FYB2: variants seen among roughly 807,000 people sequenced by gnomAD.
FYB2 encodes FYN binding protein 2, also known as FYN-binding protein 2.
A neutral mutation model predicts 94.1 loss-of-function variants in FYB2; 103 were observed. That is an observed-to-expected ratio of 1.09 (90% CI 0.93 to 1.29). FYB2 has a LOEUF of 1.29. Ranked by LOEUF, FYB2 falls within the 50% of genes most tolerant of loss-of-function variation. FYB2 has a pLI of 0.00. For missense variants in FYB2, 896 were observed against 841.5 expected (o/e 1.06, Z -0.80); for synonymous variants, 293 against 287.9 (o/e 1.02, Z -0.18).
intron 4 of FYB2, among the ~76,000 whole-genome samples, chr1:56,784,154 A>G (rs1646077191): frequency 6.6e-6 from 1 of 152,204 alleles, no homozygotes; most frequent in Non-Finnish European, 1.5e-5. Flanking sequence ...CCTGTTTTAT[A>G]CATTATGGTT....
At position 56,746,251 on chromosome 1, in the gene FYB2, T is replaced by C. The variant is rs141299501; in HGVS notation, c.1388-1985A>G. Among the ~76,000 whole-genome samples the C allele has an allele frequency of 5.5e-3, 842 of 152,138 alleles. 9 individuals are homozygous for C. Among genetic ancestry groups the C allele is most frequent in the African/African-American group, 0.019 (801 of 41,546 alleles). On this transcript the variant is annotated intron_variant, in intron 9 of 19. Transcript: ENST00000343433. The stretch of plus-strand genomic sequence containing the variant: ...GGCACATAAAAAGTACTTAATATAT[T>C]TGAATTTCGAATGATTTGAATGCAT...
At chr1:56,730,687 C>A (rs1025018098) in intron 15 of FYB2, among the ~76,000 whole-genome samples, 1 of 152,042 alleles carries the variant, frequency 6.6e-6, no homozygotes, top group Non-Finnish European at 1.5e-5. Flanking sequence ...GATGGCTTCC[C>A]TGCTGAATTC....
At chr1:56,749,781 A>T (rs1645152495) in intron 9 of FYB2, among the ~76,000 whole-genome samples, 1 of 152,000 alleles carries the variant, frequency 6.6e-6, no homozygotes, top group South Asian at 2.1e-4. Context: ...CTGGGATGAA[A>T]CTAAATAGGG....
chr1:56,742,064 G>A, intron 12 of FYB2, 97 bp downstream of exon 12: 1 of 1,006,006 alleles, frequency 9.9e-7, no homozygotes, highest in Non-Finnish European at 1.5e-6. Flanking sequence ...GTGGCAGTGG[G>A]GCTGGGGGGC....
chr1:56,746,939 T>C (rs1557603694), intron 9 of FYB2, among the ~76,000 whole-genome samples: 1 of 152,040 alleles, frequency 6.6e-6, no homozygotes, highest in Non-Finnish European at 1.5e-5. Context: ...TTGCTCCATA[T>C]CTTTACTAAC....
chr1:56,751,249 TA>T, intron 8 of FYB2, 46 bp from the exon 9 acceptor site: 1 of 1,564,874 alleles, frequency 6.4e-7, no homozygotes, highest in Non-Finnish European at 8.7e-7. Context: ...GTGACTTACC[TA>T]ATCAGTTCTT....
chr1:56,770,245 A>G (rs1224770260), intron 4 of FYB2, among the ~76,000 whole-genome samples: 1 of 152,152 alleles, frequency 6.6e-6, no homozygotes, highest in Non-Finnish European at 1.5e-5. Flanking sequence ...ACAAAAACTA[A>G]TAGGCCAATA....
chr1:56,763,356 A>T (rs1645545181), intron 5 of FYB2, among the ~76,000 whole-genome samples: 1 of 152,322 alleles, frequency 6.6e-6, no homozygotes, highest in East Asian at 1.9e-4. Context: ...AATGCCTGAT[A>T]GAATTTTTCA....
chr1:56,768,009 C>T (rs140275067), intron 4 of FYB2, 71 bp from the exon 5 acceptor site: 2 of 1,224,372 alleles, frequency 1.6e-6, no homozygotes, highest in African/African-American at 3.1e-5. Context: ...TGTATTTTTT[C>T]CTCATTAGAG....
intron 14 of FYB2, 45 bp downstream of exon 14, chr1:56,738,580 C>G: frequency 3.2e-6 from 5 of 1,559,906 alleles, no homozygotes; most frequent in Non-Finnish European, 4.4e-6. Flanking sequence ...TCTGAATATA[C>G]AAAAGCTGAG....
At chr1:56,739,991 G>A (rs571235537) in intron 13 of FYB2, among the ~76,000 whole-genome samples, 9 of 152,164 alleles carry the variant, frequency 5.9e-5, no homozygotes, top group Middle Eastern at 3.4e-3. Flanking sequence ...TGCCTGCAAA[G>A]CGTCTCCAGG....
At chr1:56,763,730 G>A (rs1340231620) in intron 5 of FYB2, among the ~76,000 whole-genome samples, 1 of 151,048 alleles carries the variant, frequency 6.6e-6, no homozygotes, top group African/African-American at 2.4e-5. Context: ...CAATTTTATT[G>A]ATTTTTTTTC....
intron 14 of FYB2, 46 bp downstream of exon 14, chr1:56,738,579 A>G (rs1364642277): frequency 3.9e-6 from 6 of 1,558,278 alleles, no homozygotes; most frequent in Non-Finnish European, 5.3e-6. Context: ...CTCTGAATAT[A>G]CAAAAGCTGA....
At chr1:56,742,131 C>A (rs1208677971) in intron 12 of FYB2, 30 bp downstream of exon 12, 1 of 1,578,292 alleles carries the variant, frequency 6.3e-7, no homozygotes, top group East Asian at 2.3e-5. Context: ...AAGTCATTAG[C>A]CTACAAAGCC....
At chr1:56,740,911 C>A in intron 12 of FYB2, 116 bp from the exon 13 acceptor site, 3 of 608,428 alleles carry the variant, frequency 4.9e-6, no homozygotes, top group East Asian at 3.2e-5. Flanking sequence ...GGGAGCTAAA[C>A]AATAGGTATA....
At chr1:56,814,788 G>A (rs1646843447) in intron 1 of FYB2, among the ~76,000 whole-genome samples, 1 of 152,140 alleles carries the variant, frequency 6.6e-6, no homozygotes, top group African/African-American at 2.4e-5. Flanking sequence ...GTCCACTTGT[G>A]TAGATGTTAC....
chr1:56,822,741 C>T (rs1411575210), upstream of FYB2, among the ~76,000 whole-genome samples: 1 of 33,124 alleles, frequency 3.0e-5, no homozygotes, highest in African/African-American at 1.2e-4. Flanking sequence ...ACAGAATACC[C>T]CGATGTAAAA....
chr1:56,770,457 A>G (rs1212678623), intron 4 of FYB2, among the ~76,000 whole-genome samples: 1 of 152,174 alleles, frequency 6.6e-6, no homozygotes, highest in African/African-American at 2.4e-5. Flanking sequence ...AAGACTACAA[A>G]ATGATCAAAG....
intron 1 of FYB2, among the ~76,000 whole-genome samples, chr1:56,815,551 A>G (rs1403635533): frequency 1.3e-5 from 2 of 152,154 alleles, no homozygotes; most frequent in African/African-American, 4.8e-5. Context: ...TTTACCCTCA[A>G]ATTGAACAAG....
Sources: allele counts gnomAD v4.1 joint callset (sites outside exome capture counted in the v4.1 genomes callset), GRCh38; gene constraint gnomAD v4.1.1; transcripts MANE v1.5; gene names NCBI Gene and HGNC (gene_info 2026-07-23, HGNC 2026-07-21).